GAPT: variants seen among roughly 807,000 people sequenced by gnomAD.
GAPT encodes GRB2 binding adaptor protein, transmembrane.
For missense variants in GAPT, 206 were observed against 189.2 expected (o/e 1.09, Z -0.52); for synonymous variants, 82 against 69.7 (o/e 1.18, Z -0.88).
Position 58,494,475 on chromosome 5 carries a change from A to G in GAPT, c.-62A>G. ...TTTTGAATAATACTAGGCTACAAAG[A>G]ATTACACTGTGAATTCATTAAGGGT... On this transcript the variant is annotated 5_prime_UTR_variant, in exon 3 of 3. Coordinates refer to ENST00000502276, the MANE Select transcript of GAPT (RefSeq NM_001304431.2). 4 of 1,361,636 alleles carry G rather than the reference A, an allele frequency of 2.9e-6. No individual in the cohort carries two copies. The highest frequency in any genetic ancestry group is 4.0e-6 in the Non-Finnish European group (4 of 990,718). The allele number at this position is 1,361,636 out of a possible 1,614,324, so 84.3% of individuals were successfully genotyped here. A position where few individuals can be genotyped will look rare whatever the true frequency, so the allele number is the denominator to read the frequency against.
chr5:58,492,268 T>G (rs1744279393), intron 1 of GAPT, among the ~76,000 whole-genome samples: 1 of 152,202 alleles, frequency 6.6e-6, no homozygotes, highest in Non-Finnish European at 1.5e-5. Context: ...TTCAAAAAGT[T>G]GATTAATTTC....
rs748376172 is a variant in GAPT at position 58,494,601 on chromosome 5, T to A, written c.65T>A (p.Leu22Ter). The stretch of plus-strand genomic sequence containing the variant: ...GTAGGAATTTCGCTTCTTTTACTCT[T>A]AGTGGTTTGTGGAATTGGGTGTGTT... ...ISVGISLLLL[L>*]VVCGIGCVWH... Residue 22 changes from leucine to a stop codon, truncating the protein, a stop_gained, in exon 3 of 3, where the codon TTA becomes TAA. Coordinates refer to ENST00000502276, the MANE Select transcript of GAPT (RefSeq NM_001304431.2). LOFTEE classifies it low-confidence loss of function (END_TRUNC). 6.2e-7 allele frequency: 1 copy of A among 1,613,982 alleles called. No individual in the cohort carries two copies. Among genetic ancestry groups the A allele is most frequent in the South Asian group, 1.1e-5 (1 of 91,080 alleles).
chr5:58,493,591 T>C (rs1744329475), intron 1 of GAPT, 120 bp from the exon 2 acceptor site: 1 of 152,168 alleles, frequency 6.6e-6, no homozygotes, highest in Admixed American at 6.6e-5. Flanking sequence ...ATTCAATAAA[T>C]ATTGATTGGA....
Position 58,494,804 on chromosome 5 carries a change from C to T in GAPT, c.268C>T (p.His90Tyr). 6.2e-7 allele frequency: 1 copy of T among 1,613,962 alleles called. No homozygotes were observed. ...HKSAVRGNNT[H>Y]DNYENVEAGP... is the part of the protein sequence containing the mutation. ...ATCTGCTGTCAGGGGAAATAACACA[C>T]ACGACAACTATGAAAATGTGGAAGC... is the stretch of plus-strand genomic sequence containing the variant. Residue 90 changes from histidine (H) to tyrosine (Y), a missense_variant, in exon 3 of 3, where the codon CAC becomes TAC. Coordinates refer to ENST00000502276, the MANE Select transcript of GAPT (RefSeq NM_001304431.2).
In GAPT at chr5:58,494,902, G is replaced by T. The variant is rs769158515; in HGVS notation, c.366G>T (p.Glu122Asp). ...ACACAGGGCAGTCTAATTTCGAGGA[G>T]CATATCTATGGAAATGAGACATCTT... Reference protein sequence around the residue: ...YENTGQSNFEEHIYGNETSSD... With the variant: ...YENTGQSNFEDHIYGNETSSD... The change falls in exon 3 of 3, where the codon GAG (glutamate) becomes GAT (aspartate). Residue 122 changes from glutamate (E) to aspartate (D), a missense_variant. Coordinates refer to ENST00000502276, the MANE Select transcript of GAPT (RefSeq NM_001304431.2). The T allele has an allele frequency of 6.2e-7, 1 of 1,613,744 alleles. No individual in the cohort carries two copies. Among genetic ancestry groups the T allele is most frequent in the Admixed American group, 1.7e-5 (1 of 59,968 alleles).
At position 58,495,323 on chromosome 5, in the gene GAPT, A is replaced by T. The variant is rs529344797; in HGVS notation, c.*313A>T. The T allele has an allele frequency of 1.3e-5, 3 of 225,570 alleles. No individual in the cohort carries two copies. The highest frequency in any genetic ancestry group is 2.6e-5 in the Non-Finnish European group (3 of 116,594). The allele number at this position is 225,570 out of a possible 1,614,324, so 14.0% of individuals were successfully genotyped here. A position where few individuals can be genotyped will look rare whatever the true frequency, so the allele number is the denominator to read the frequency against. On this transcript the variant is annotated 3_prime_UTR_variant, in exon 3 of 3. Coordinates refer to ENST00000502276, the MANE Select transcript of GAPT (RefSeq NM_001304431.2). ...AGTGGAAGGAGGGAGAGGTTCAGGG[A>T]AAAAAAAAATATCAGGTACTATGCT...
chr5:58,491,836 C>T (rs2111761031), intron 1 of GAPT, among the ~76,000 whole-genome samples: 1 of 152,268 alleles, frequency 6.6e-6, no homozygotes, highest in Non-Finnish European at 1.5e-5. Context: ...GTTAGGTAAC[C>T]TGTTGGAACT....
chr5:58,494,977 T>G lies in GAPT; in HGVS notation c.441T>G (p.Asp147Glu). 6.2e-7 allele frequency: 1 copy of G among 1,611,110 alleles called. No individual in the cohort carries two copies. Among genetic ancestry groups the G allele is most frequent in the Non-Finnish European group, 8.5e-7 (1 of 1,177,718 alleles). The part of the protein sequence containing the change: ...QKPRPSEVPQ[D>E]EDIYILPDSY ...CTCGTCCTTCTGAAGTTCCTCAAGA[T>G]GAAGATATATACATTCTTCCAGATT... The change falls in exon 3 of 3, where the codon GAT (aspartate) becomes GAG (glutamate). Residue 147 changes from aspartate to glutamate, a missense_variant. By Grantham distance (45) the Asp-to-Glu change is conservative. Coordinates refer to ENST00000502276, the MANE Select transcript of GAPT (RefSeq NM_001304431.2).
chr5:58,494,589 T>C lies in GAPT; in HGVS notation c.53T>C (p.Leu18Pro). 2 of 1,612,510 alleles carry C rather than the reference T, an allele frequency of 1.2e-6. No homozygotes were observed. The highest frequency in any genetic ancestry group is 1.7e-5 in the Admixed American group (1 of 59,550). Residue 18 changes from leucine (L) to proline (P), a missense_variant, in exon 3 of 3, where the codon CTT becomes CCT. Coordinates refer to ENST00000502276, the MANE Select transcript of GAPT (RefSeq NM_001304431.2). ...NLAAISVGISLLLLLVVCGIG... is the reference protein window; with the variant it reads ...NLAAISVGISPLLLLVVCGIG... ...GCGGCCATTTCTGTAGGAATTTCGCTTCTTTTACTCTTAGTGGTTTGTGGA... is the reference window on the plus strand; with the variant it reads ...GCGGCCATTTCTGTAGGAATTTCGCCTCTTTTACTCTTAGTGGTTTGTGGA...
At chr5:58,493,641 C>T (rs1487635519) in intron 1 of GAPT, 70 bp from the exon 2 acceptor site, 1 of 152,088 alleles carries the variant, frequency 6.6e-6, no homozygotes, top group East Asian at 1.9e-4. Flanking sequence ...TCTCTGGGAA[C>T]ATACAGATGA....
intron 1 of GAPT, among the ~76,000 whole-genome samples, chr5:58,491,967 T>C (rs1311644070): frequency 6.6e-6 from 1 of 152,212 alleles, no homozygotes; most frequent in Non-Finnish European, 1.5e-5. Context: ...TAGGTCTTTG[T>C]TCATGTCTCA....
intron 1 of GAPT, among the ~76,000 whole-genome samples, 151 bp downstream of exon 1, chr5:58,491,692 A>G (rs76090444): frequency 4.7e-4 from 71 of 152,338 alleles, no homozygotes; most frequent in Non-Finnish European, 8.8e-4. Flanking sequence ...TTACAAACTG[A>G]GAGTGATGTT....
At position 58,495,309 on chromosome 5, in the gene GAPT, G is replaced by A; in HGVS notation, c.*299G>A. The A allele has an allele frequency of 1.0e-5, 3 of 296,306 alleles. No homozygotes were observed. The highest frequency in any genetic ancestry group is 1.9e-5 in the Non-Finnish European group (3 of 158,744). 18.4% of individuals were successfully genotyped at this position (296,306 alleles called of 1,614,324 possible). On this transcript the variant is annotated 3_prime_UTR_variant, in exon 3 of 3. Coordinates refer to ENST00000502276, the MANE Select transcript of GAPT (RefSeq NM_001304431.2). ...ACTTGAGGGAGGACAGTGGAAGGAG[G>A]GAGAGGTTCAGGGAAAAAAAAAATA...
intron 2 of GAPT, 67 bp downstream of exon 2, chr5:58,493,905 T>G (rs1300350441): frequency 1.3e-5 from 2 of 152,180 alleles, no homozygotes; most frequent in African/African-American, 4.8e-5. Context: ...AACATTATCT[T>G]TCACTCAAAA....
chr5:58,496,737 G>A lies in GAPT; in HGVS notation c.*1727G>A, dbSNP rs1437749022. 1 of 167,144 alleles carries A rather than the reference G, an allele frequency of 6.0e-6. No homozygotes were observed. Among genetic ancestry groups the A allele is most frequent in the Non-Finnish European group, 1.5e-5 (1 of 68,168 alleles). 10.4% of individuals were successfully genotyped at this position (167,144 alleles called of 1,614,324 possible). ...TGCCCCCGCAGGAATTTATTGCCAT[G>A]TGGTTTACTCCAGCATCACTGGTTG... On this transcript the variant is annotated 3_prime_UTR_variant, in exon 3 of 3. Transcript: ENST00000502276.
rs544488112 is a variant in GAPT, at chr5:58,495,976, C to A, written c.*966C>A. 1.8e-5 allele frequency: 3 copies of A among 167,184 alleles called. No homozygotes were observed. Among genetic ancestry groups the A allele is most frequent in the African/African-American group, 7.2e-5 (3 of 41,564 alleles). 10.4% of individuals were successfully genotyped at this position (167,184 alleles called of 1,614,324 possible). A position where few individuals can be genotyped will look rare whatever the true frequency, so the allele number is the denominator to read the frequency against. The stretch of plus-strand genomic sequence containing the variant: ...ATTTCTTTGCCTTCAGCAGAATCAT[C>A]TTAAAACCTGCCAAACTTATCCTTC... On this transcript the variant is annotated 3_prime_UTR_variant, in exon 3 of 3. Transcript: ENST00000502276.
rs1469581618 is a variant in GAPT at position 58,493,852 on chromosome 5, T to C, written c.-291+14T>C. The C allele has an allele frequency of 3.3e-5, 5 of 152,116 alleles. No homozygotes were observed. Among genetic ancestry groups the C allele is most frequent in the African/African-American group, 1.2e-4 (5 of 41,412 alleles). The allele number at this position is 152,116 out of a possible 1,614,324, so 9.4% of individuals were successfully genotyped here. A position where few individuals can be genotyped will look rare whatever the true frequency, so the allele number is the denominator to read the frequency against. On this transcript the variant is annotated intron_variant, in intron 2 of 2. Transcript: ENST00000502276. Reference sequence around the variant, plus strand: ...AAGAGGTGACAGGTAATAAAGATGATTGCACGTGTCTGTATATGTCCCTTT... The same window carrying C: ...AAGAGGTGACAGGTAATAAAGATGACTGCACGTGTCTGTATATGTCCCTTT...
chr5:58,492,504 T>C (rs1234855503), intron 1 of GAPT, among the ~76,000 whole-genome samples: 1 of 152,164 alleles, frequency 6.6e-6, no homozygotes, highest in Non-Finnish European at 1.5e-5. Context: ...ATTGTAAATC[T>C]TATGTGGCGG....
Position 58,495,531 on chromosome 5 carries a change from G to T in GAPT, c.*521G>T. The T allele has an allele frequency of 6.0e-6, 1 of 167,938 alleles. No individual in the cohort carries two copies. 10.4% of individuals were successfully genotyped at this position (167,938 alleles called of 1,614,324 possible). On this transcript the variant is annotated 3_prime_UTR_variant, in exon 3 of 3. Transcript: ENST00000502276. Reference sequence around the variant, plus strand: ...AAGTTCTGATAAGTGGATGGTCTCTGCCTATCTCCACCTTTCTGAATCCTA... The same window carrying T: ...AAGTTCTGATAAGTGGATGGTCTCTTCCTATCTCCACCTTTCTGAATCCTA...
Sources: allele counts gnomAD v4.1 joint callset (sites outside exome capture counted in the v4.1 genomes callset), GRCh38; gene constraint gnomAD v4.1.1; transcripts MANE v1.5; gene names NCBI Gene and HGNC (gene_info 2026-07-23, HGNC 2026-07-21).